The following BRD4 variants were observed in gnomAD, a reference collection of about 807,000 sequenced individuals.
BRD4 encodes the protein bromodomain containing 4, also known as bromodomain-containing protein 4.
Under a neutral mutation model 142.1 loss-of-function variants are expected in BRD4, and 16 were observed. That is an observed-to-expected ratio of 0.11 (90% CI 0.08 to 0.17). The LOEUF is 0.17. BRD4 is among the 10% of genes least tolerant of loss of function. BRD4 has a pLI of 1.00. For synonymous variants in BRD4, 833 were observed against 707.5 expected, an observed-to-expected ratio of 1.18 and a Z score of -2.82; for missense variants, 1,424 against 1,810.9, an observed-to-expected ratio of 0.79 and a Z score of 3.88.
chr19:15,246,045 GAC>G (rs2047282944), intron 11 of BRD4, among the ~76,000 whole-genome samples: 1 of 152,200 alleles, frequency 6.6e-6, no homozygotes, highest in African/African-American at 2.4e-5. Flanking sequence ...ACAAGACACA[GAC>G]ACAGACCTCA....
intron 1 of BRD4, among the ~76,000 whole-genome samples, chr19:15,285,531 C>T (rs534921590): frequency 1.3e-5 from 2 of 152,126 alleles, no homozygotes; most frequent in South Asian, 4.1e-4. Context: ...CACCACTGCA[C>T]TCCAACTTGG....
intron 11 of BRD4, among the ~76,000 whole-genome samples, chr19:15,252,812 T>TCACCTGGGAAGCAGAGGGCAC: frequency 6.6e-6 from 1 of 152,144 alleles, no homozygotes; most frequent in African/African-American, 2.4e-5. Flanking sequence ...GTCTCCTCAC[T>TCACCTGGGAAGCAGAGGGCAC]CACCTGGGAA....
chr19:15,255,042 C>G (rs1332696752), intron 10 of BRD4, among the ~76,000 whole-genome samples: 1 of 152,144 alleles, frequency 6.6e-6, no homozygotes, highest in Non-Finnish European at 1.5e-5. Context: ...GCAGCTCCGG[C>G]TTAGAACACA....
intron 1 of BRD4, among the ~76,000 whole-genome samples, chr19:15,315,514 G>T (rs146462025): frequency 2.6e-5 from 4 of 152,142 alleles, no homozygotes; most frequent in Non-Finnish European, 5.9e-5. Context: ...GGGGATTGGG[G>T]GGGGGAAGCA....
At chr19:15,253,205 G>T (rs1356620898) in intron 11 of BRD4, 9 of 360,406 alleles carry the variant, frequency 2.5e-5, no homozygotes, top group Admixed American at 1.8e-4. Flanking sequence ...AACCCCGTTG[G>T]CCGTAAACAC....
chr19:15,296,754 C>G (rs1230619673), intron 1 of BRD4, among the ~76,000 whole-genome samples: 1 of 152,218 alleles, frequency 6.6e-6, no homozygotes, highest in South Asian at 2.1e-4. Context: ...AATCCAGGGG[C>G]ATAAAGGGAG....
chr19:15,302,119 A>G (rs1378644717), intron 1 of BRD4, among the ~76,000 whole-genome samples: 2 of 151,994 alleles, frequency 1.3e-5, no homozygotes, highest in African/African-American at 2.4e-5. Context: ...GTGAGCCAAG[A>G]TTACGCCACT....
At chr19:15,271,966 C>T (rs986464904) in intron 2 of BRD4, among the ~76,000 whole-genome samples, 2 of 123,448 alleles carry the variant, frequency 1.6e-5, no homozygotes. Context: ...ACACACCAGT[C>T]TGGGTCAGTG....
chr19:15,252,666 A>G (rs8104223), intron 11 of BRD4, among the ~76,000 whole-genome samples: 32,600 of 152,216 alleles, frequency 0.21, 4,396 homozygotes, highest in Non-Finnish European at 0.31. Context: ...AGTAACGGTT[A>G]GAGATGAAAG....
chr19:15,263,992 A>C (rs2047502896), intron 6 of BRD4: 1 of 230,924 alleles, frequency 4.3e-6, no homozygotes, highest in Admixed American at 5.1e-5. Context: ...CACTATGGTG[A>C]AAATGTCGGC....
intron 11 of BRD4, among the ~76,000 whole-genome samples, chr19:15,251,718 G>A (rs1358538093): frequency 6.6e-6 from 1 of 152,150 alleles, no homozygotes; most frequent in East Asian, 1.9e-4. Context: ...TTCCCATTTC[G>A]GGATCTGCCG....
chr19:15,257,407 G>A (rs1316299515), intron 7 of BRD4: 1 of 559,326 alleles, frequency 1.8e-6, no homozygotes, highest in Non-Finnish European at 3.2e-6. Context: ...GTGGTCCAGA[G>A]ATAGCGGGGC....
At chr19:15,301,035 C>T (rs1329586977) in intron 1 of BRD4, among the ~76,000 whole-genome samples, 1 of 152,174 alleles carries the variant, frequency 6.6e-6, no homozygotes, top group African/African-American at 2.4e-5. Flanking sequence ...TCCACGTGTC[C>T]TTCAACTGAG....
chr19:15,314,760 A>T (rs1463477376), intron 1 of BRD4, among the ~76,000 whole-genome samples: 7 of 152,236 alleles, frequency 4.6e-5, no homozygotes, highest in African/African-American at 1.4e-4. Flanking sequence ...CACAGGGGAC[A>T]GTGGCTACCA....
At chr19:15,275,830 A>T (rs2047640676) in intron 1 of BRD4, 1 of 152,122 alleles carries the variant, frequency 6.6e-6, no homozygotes, top group African/African-American at 2.4e-5. Context: ...AACATGATGG[A>T]ACCCCATCTC....
At chr19:15,258,048 G>A (rs1288629203) in intron 7 of BRD4, among the ~76,000 whole-genome samples, 1 of 152,204 alleles carries the variant, frequency 6.6e-6, no homozygotes, top group Non-Finnish European at 1.5e-5. Flanking sequence ...GATGGCTCAA[G>A]ACAGAGGCAG....
At chr19:15,248,040 TC>T in intron 11 of BRD4, 1 of 219,092 alleles carries the variant, frequency 4.6e-6, no homozygotes, top group Non-Finnish European at 9.2e-6. Context: ...CACTTCCAGT[TC>T]CAGAAGAAGG....
intron 1 of BRD4, chr19:15,280,352 A>G: frequency 5.9e-6 from 6 of 1,015,300 alleles, no homozygotes; most frequent in Non-Finnish European, 7.1e-6. Context: ...ACTTTGCTGT[A>G]CCCATCAGTG....
At chr19:15,284,300 A>C (rs62113845) in intron 1 of BRD4, among the ~76,000 whole-genome samples, 39,874 of 152,008 alleles carry the variant, frequency 0.26, 6,212 homozygotes, top group East Asian at 0.39. Context: ...TTTCTTGAAG[A>C]AAAGGGAACG....
Sources: allele counts gnomAD v4.1 joint callset (sites outside exome capture counted in the v4.1 genomes callset), GRCh38; gene constraint gnomAD v4.1.1; transcripts MANE v1.5; gene names NCBI Gene and HGNC (gene_info 2026-07-23, HGNC 2026-07-21).